The following HR variants were observed in gnomAD, a reference collection of about 807,000 sequenced individuals.
The protein encoded by HR is lysine-specific demethylase hairless.
A neutral mutation model predicts 128.6 loss-of-function variants in HR; 83 were observed. The observed-to-expected ratio is 0.65, with a 90% CI of 0.54 to 0.77. The LOEUF is 0.77. HR is among the 30% of genes least tolerant of loss of function. The pLI is 0.00. For missense variants in HR, 1,490 were observed against 1,574.6 expected (o/e 0.95, Z 0.91); for synonymous variants, 681 against 658.2 (o/e 1.03, Z -0.53).
rs973934875 is a variant in HR, at chr8:22,127,143, G to A, written c.1299C>T (p.Asp433=). The A allele has an allele frequency of 1.2e-6, 2 of 1,612,146 alleles. No homozygotes were observed. Among genetic ancestry groups the A allele is most frequent in the South Asian group, 1.1e-5 (1 of 91,048 alleles). ...CCTGTTCTGCAGTGCCTGGAAAAGG[G>A]TCCGGTGGCCGCTTGGGGGCTGGAC... ...MGSPAPKRPP[D]PFPGTAEQGA... Residue 433 remains aspartate (D), a synonymous_variant, in exon 3 of 19, where the codon GAC becomes GAT. Coordinates refer to ENST00000381418, the MANE Select transcript of HR (RefSeq NM_005144.5).
chr8:22,128,769 G>C lies in HR; in HGVS notation c.402C>G (p.Asp134Glu). 1 of 1,608,636 alleles carries C rather than the reference G, an allele frequency of 6.2e-7. No homozygotes were observed. Among genetic ancestry groups the C allele is most frequent in the Non-Finnish European group, 8.5e-7 (1 of 1,177,994 alleles). ...PEHSGGHLKS[D>E]PVAFRPWHCP... ...AGTGCCAGGGCCGGAAGGCCACAGG[G>C]TCACTCTTGAGATGGCCACCACTAT... is the stretch of plus-strand genomic sequence containing the variant. Residue 134 changes from aspartate (D) to glutamate (E), a missense_variant, in exon 2 of 19, where the codon GAC (aspartate) becomes GAG (glutamate). By Grantham distance (45) the Asp-to-Glu change is conservative. This residue lies in a region of HR where 1,060 missense variants were observed against 1,060.9 expected (regional missense o/e 1.00). Transcript: ENST00000381418.
At chr8:22,121,578 C>T (rs1311766810) in intron 9 of HR, 35 bp downstream of exon 9, 2 of 1,611,392 alleles carry the variant, frequency 1.2e-6, no homozygotes, top group Non-Finnish European at 1.7e-6. Context: ...CAGCCTCCCT[C>T]TTGCACAGGC....
At chr8:22,124,535 G>T (rs566499520) in intron 5 of HR, among the ~76,000 whole-genome samples, 1 of 152,348 alleles carries the variant, frequency 6.6e-6, no homozygotes, top group African/African-American at 2.4e-5. Flanking sequence ...CCCCTGCCTC[G>T]CAGTGCACAC....
intron 1 of HR, among the ~76,000 whole-genome samples, 184 bp from the exon 2 acceptor site, chr8:22,129,394 G>T (rs750742413): frequency 6.6e-6 from 1 of 152,262 alleles, no homozygotes; most frequent in Non-Finnish European, 1.5e-5. Flanking sequence ...TGCTCCTCCA[G>T]TGTGGGGATG....
In HR at chr8:22,127,148, G is replaced by A. The variant is rs142749630; in HGVS notation, c.1294C>T (p.Pro432Ser). 3 of 1,612,236 alleles carry A rather than the reference G, an allele frequency of 1.9e-6. No homozygotes were observed. The African/African-American group carries it at 4.0e-5, about 22-fold the overall frequency. ...TCTGCAGTGCCTGGAAAAGGGTCCG[G>A]TGGCCGCTTGGGGGCTGGACTGCCC... ...AMGSPAPKRPPDPFPGTAEQG... is the reference protein window; with the variant it reads ...AMGSPAPKRPSDPFPGTAEQG... Residue 432 changes from proline (P) to serine (S), a missense_variant, in exon 3 of 19, where the codon CCG (proline) becomes TCG (serine). Physicochemically the swap from Pro to Ser is moderately conservative, Grantham distance 74. Coordinates refer to ENST00000381418, the MANE Select transcript of HR (RefSeq NM_005144.5).
At chr8:22,118,689 C>T (rs769557836) in intron 16 of HR, 2 of 559,116 alleles carry the variant, frequency 3.6e-6, no homozygotes, top group Non-Finnish European at 3.2e-6. Context: ...GCACCACGTC[C>T]AGCCTCGGGC....
At chr8:22,118,513 C>T (rs1377162955) in intron 16 of HR, 1 of 186,028 alleles carries the variant, frequency 5.4e-6, no homozygotes, top group East Asian at 1.4e-4. Context: ...TGCCTGCCTC[C>T]AGGAAGAGCA....
chr8:22,129,475 C>T (rs1826994784), intron 1 of HR, among the ~76,000 whole-genome samples: 1 of 152,242 alleles, frequency 6.6e-6, no homozygotes. Context: ...TAGGGCATGT[C>T]CTGGCCTCAC....
Position 22,121,590 on chromosome 8 carries a change from G to A in HR, c.2203+23C>T, listed in dbSNP as rs73549509. 3,290 of 1,611,864 alleles carry A rather than the reference G, an allele frequency of 2.0e-3. 74 individuals are homozygous for A. The African/African-American group carries it at 0.039, about 19-fold the overall frequency. On this transcript the variant is annotated intron_variant, in intron 9 of 18. Coordinates refer to ENST00000381418, the MANE Select transcript of HR (RefSeq NM_005144.5). ...GCCCAGCCTCCCTCTTGCACAGGCCGAGGGGCAAGAGGAGCCGCTCACCCT... is the reference window on the plus strand; with the variant it reads ...GCCCAGCCTCCCTCTTGCACAGGCCAAGGGGCAAGAGGAGCCGCTCACCCT...
At chr8:22,128,238 G>C in intron 2 of HR, 1 of 528,508 alleles carries the variant, frequency 1.9e-6, no homozygotes, top group South Asian at 2.0e-5. Context: ...CTCAGATAGA[G>C]GGCCCTTGTC....
At position 22,114,565 on chromosome 8, in the gene HR, G is replaced by C. The variant is rs1425053173; in HGVS notation, c.*1135C>G. 1 of 153,182 alleles carries C rather than the reference G, an allele frequency of 6.5e-6. No homozygotes were observed. Among genetic ancestry groups the C allele is most frequent in the Admixed American group, 6.5e-5 (1 of 15,306 alleles). The allele number at this position is 153,182 out of a possible 1,614,324, so 9.5% of individuals were successfully genotyped here. Reference sequence around the variant, plus strand: ...GGGAGAGGGCGGAGCGCCACCAGGAGGCTGCGGGCGTGGAGCGGGGACAAG... The same window carrying C: ...GGGAGAGGGCGGAGCGCCACCAGGACGCTGCGGGCGTGGAGCGGGGACAAG... On this transcript the variant is annotated 3_prime_UTR_variant, in exon 19 of 19. Coordinates refer to ENST00000381418, the MANE Select transcript of HR (RefSeq NM_005144.5).
chr8:22,118,233 T>G (rs1312743235), intron 16 of HR: 1 of 152,840 alleles, frequency 6.5e-6, no homozygotes, highest in Non-Finnish European at 1.5e-5. Flanking sequence ...CCCAGGATAA[T>G]GAGGGCTCAG....
intron 5 of HR, 23 bp downstream of exon 5, chr8:22,125,288 C>A: frequency 6.4e-7 from 1 of 1,553,636 alleles, no homozygotes; most frequent in Non-Finnish European, 8.7e-7. Flanking sequence ...AGACCCCACG[C>A]AGACCCAGGA....
Position 22,122,886 on chromosome 8 carries a change from G to A in HR, c.1916-7C>T. On this transcript the variant is annotated splice_polypyrimidine_tract_variant and splice_region_variant and intron_variant, in intron 6 of 18. Coordinates refer to ENST00000381418, the MANE Select transcript of HR (RefSeq NM_005144.5). ...GCGGACTGCTCCTGAAAGCCTGTGG[G>A]GCAGGAAGGGAAAAGCTGCAGGTCC... 1.9e-6 allele frequency: 3 copies of A among 1,551,252 alleles called. No individual in the cohort carries two copies. Among genetic ancestry groups the A allele is most frequent in the African/African-American group, 2.7e-5 (2 of 73,200 alleles).
At position 22,121,051 on chromosome 8, in the gene HR, G is replaced by A. The variant is rs112532092; in HGVS notation, c.2367+14C>T. ...TCCCCTGGCTCCTAGCCCTCCCTCC[G>A]TGCCCTCACTCACACTGGGCAGGGC... On this transcript the variant is annotated intron_variant, in intron 10 of 18. Transcript: ENST00000381418. 7.4e-5 allele frequency: 119 copies of A among 1,613,296 alleles called. No homozygotes were observed. The highest frequency in any genetic ancestry group is 2.3e-4 in the Admixed American group (14 of 60,012).
At position 22,116,973 on chromosome 8, in the gene HR, G is replaced by T. The variant is rs1423247399; in HGVS notation, c.3280C>A (p.Leu1094Met). The T allele has an allele frequency of 6.5e-7, 1 of 1,535,528 alleles. No individual in the cohort carries two copies. The highest frequency in any genetic ancestry group is 8.7e-7 in the Non-Finnish European group (1 of 1,145,274). ...CACTCCTCCCGCAGGCGCCGCCGCAGCCCTGCATCCAGGTAGCAGCTGCCT... is the reference window on the plus strand; with the variant it reads ...CACTCCTCCCGCAGGCGCCGCCGCATCCCTGCATCCAGGTAGCAGCTGCCT... ...APGSCYLDAG[L>M]RRRLREEWGV... Residue 1094 changes from leucine (L) to methionine (M), a missense_variant, in exon 17 of 19, where the codon CTG becomes ATG. This residue lies in a region of HR where 423 missense variants were observed against 495.9 expected (regional missense o/e 0.85). Transcript: ENST00000381418. This position sits in a 1 kb window ranked among gnomAD's most constrained non-coding sequence, Gnocchi z 4.2.
chr8:22,123,616 A>AGGGGGGGG, intron 6 of HR, 33 bp downstream of exon 6: 40 of 562,314 alleles, frequency 7.1e-5, no homozygotes, highest in Non-Finnish European at 8.4e-5. Context: ...TGAGGGCTCC[A>AGGGGGGGG]TCCCGCCCTC....
At chr8:22,126,866 G>C (rs965726806) in intron 3 of HR, among the ~76,000 whole-genome samples, 171 bp downstream of exon 3, 2 of 152,178 alleles carry the variant, frequency 1.3e-5, no homozygotes, top group African/African-American at 4.8e-5. Context: ...TTGCTGGAAG[G>C]CTCTGGCCTG....
Position 22,119,212 on chromosome 8 carries a change from G to A in HR, c.3049C>T (p.Leu1017=), listed in dbSNP as rs554642882. 6.2e-6 allele frequency: 10 copies of A among 1,613,904 alleles called. No homozygotes were observed. The East Asian group carries it at 2.2e-4, about 36-fold the overall frequency. The change falls in exon 15 of 19, where the codon CTG becomes TTG. Residue 1017 remains leucine, a synonymous_variant. Transcript: ENST00000381418. The stretch of plus-strand genomic sequence containing the variant: ...GGCAGTGGTGTGTCGGCATGCACCA[G>A]GATGCTGACCAGGTCGGCCACCTCC... ...CVEVADLVSI[L]VHADTPLPAW...
Sources: allele counts gnomAD v4.1 joint callset (sites outside exome capture counted in the v4.1 genomes callset), GRCh38; gene constraint gnomAD v4.1.1; regional missense constraint gnomAD v4.1.1; non-coding constraint Gnocchi (gnomAD v3.1); transcripts MANE v1.5; gene names NCBI Gene and HGNC (gene_info 2026-07-23, HGNC 2026-07-21).